The following PBX1 variants were observed in gnomAD, a reference collection of about 807,000 sequenced individuals.
PBX1 encodes pre-B-cell leukemia transcription factor 1.
PBX1 carries 6 observed loss-of-function variants against 53.4 expected under a neutral mutation model. The ratio of observed to expected loss-of-function variants is 0.11; its 90% CI spans 0.06 to 0.22. PBX1 has a LOEUF of 0.22. PBX1 is among the 10% of genes least tolerant of loss of function. The pLI, the probability that PBX1 is intolerant of heterozygous loss-of-function variation, is 1.00. For synonymous variants in PBX1, 204 were observed against 212.3 expected (o/e 0.96, Z 0.34); for missense variants, 251 against 551.4 (o/e 0.46, Z 5.46).
chr1:164,736,722 A>C (rs1206968060), intron 2 of PBX1, among the ~76,000 whole-genome samples: 1 of 152,170 alleles, frequency 6.6e-6, no homozygotes, highest in Non-Finnish European at 1.5e-5. Context: ...TGTAGGAAAG[A>C]AAGCCAGCAA....
chr1:164,753,869 G>A (rs1168911260), intron 2 of PBX1, among the ~76,000 whole-genome samples: 1 of 152,234 alleles, frequency 6.6e-6, no homozygotes, highest in East Asian at 1.9e-4. Context: ...TTGGAAACGG[G>A]AATGATGCAG....
At chr1:164,601,372 A>T (rs1206975455) in intron 2 of PBX1, among the ~76,000 whole-genome samples, 2 of 152,214 alleles carry the variant, frequency 1.3e-5, no homozygotes, top group East Asian at 3.9e-4. Context: ...TGAAACAGAA[A>T]GGAGGAAGGT....
chr1:164,623,621 A>G (rs1030442947), intron 2 of PBX1, among the ~76,000 whole-genome samples: 9 of 151,584 alleles, frequency 5.9e-5, no homozygotes, highest in African/African-American at 2.2e-4. Flanking sequence ...CGTGCCTTGC[A>G]TCTCCTCTCT....
At position 164,722,517 on chromosome 1, in the gene PBX1, TGAA is replaced by T. The variant is rs781158304; in HGVS notation, c.266-69972_266-69970del. Reference sequence around the variant, plus strand: ...AGAAAGTGCTGTGGTTTTATTTATTTGAAGAAGTATATTAATCCACAGAAGACT... The same window carrying T: ...AGAAAGTGCTGTGGTTTTATTTATTTGAAGTATATTAATCCACAGAAGACT... On this transcript the variant is annotated intron_variant, in intron 2 of 8. Coordinates refer to ENST00000420696, the MANE Select transcript of PBX1 (RefSeq NM_002585.4). Among the ~76,000 whole-genome samples the T allele has an allele frequency of 3.3e-5, 5 of 152,312 alleles. No homozygotes were observed. The South Asian group carries it at 1.0e-3, about 32-fold the overall frequency.
At chr1:164,718,981 G>C (rs1664262262) in intron 2 of PBX1, among the ~76,000 whole-genome samples, 1 of 151,984 alleles carries the variant, frequency 6.6e-6, no homozygotes, top group African/African-American at 2.4e-5. Context: ...AGTAAGGAGG[G>C]GCTCACCCTC....
At chr1:164,861,231 T>TA (rs1558050684) in intron 2 of PBX1, among the ~76,000 whole-genome samples, 1 of 152,004 alleles carries the variant, frequency 6.6e-6, no homozygotes, top group Non-Finnish European at 1.5e-5. Flanking sequence ...GGGGCACTGA[T>TA]AGAGAACGAG....
At chr1:164,679,478 G>C (rs115305598) in intron 2 of PBX1, among the ~76,000 whole-genome samples, 1 of 152,044 alleles carries the variant, frequency 6.6e-6, no homozygotes, top group Non-Finnish European at 1.5e-5. Context: ...ACAGGTGATG[G>C]GACACAGTGT....
rs924473550 is a variant in PBX1, at chr1:164,844,373, C to CCTGT, written c.1201-2204_1201-2201dup. On this transcript the variant is annotated intron_variant, in intron 8 of 8. Coordinates refer to ENST00000420696, the MANE Select transcript of PBX1 (RefSeq NM_002585.4). ...CTACAGATACACTCCTGCCTGCCTG[C>CCTGT]CTGTCTGTCTACCTACCTATCTATC... Among the ~76,000 whole-genome samples the CCTGT allele has an allele frequency of 3.7e-4, 56 of 151,950 alleles. 1 individual carries two copies. Among genetic ancestry groups the CCTGT allele is most frequent in the Non-Finnish European group, 1.2e-4 (8 of 67,994 alleles).
intron 2 of PBX1, among the ~76,000 whole-genome samples, chr1:164,713,438 T>C (rs1557960642): frequency 6.6e-6 from 1 of 152,202 alleles, no homozygotes; most frequent in Non-Finnish European, 1.5e-5. Flanking sequence ...TTGAAGATAT[T>C]GTTTGCATTA....
intron 2 of PBX1, among the ~76,000 whole-genome samples, chr1:164,569,660 C>G (rs944264414): frequency 2.3e-5 from 3 of 132,526 alleles, no homozygotes; most frequent in African/African-American, 8.4e-5. Flanking sequence ...AAACCTCTAT[C>G]CCTGGGTTCA....
intron 2 of PBX1, among the ~76,000 whole-genome samples, chr1:164,870,322 TTTCTTTC>T (rs1672343795): frequency 2.7e-5 from 3 of 109,798 alleles, no homozygotes. Context: ...TCTTTCTTTC[TTTCTTTC>T]TTTCTTTCTT....
chr1:164,862,020 A>T (rs554895508), intron 2 of PBX1, among the ~76,000 whole-genome samples: 1 of 152,146 alleles, frequency 6.6e-6, no homozygotes, highest in African/African-American at 2.4e-5. Context: ...TTTTGAGTGA[A>T]CCTGGAGGCC....
intron 8 of PBX1, among the ~76,000 whole-genome samples, chr1:164,832,859 G>GTCAT (rs1415789830): frequency 3.3e-5 from 5 of 151,928 alleles, no homozygotes; most frequent in African/African-American, 1.2e-4. Flanking sequence ...AAATAAGCTA[G>GTCAT]GATGAGTAGT....
At chr1:164,631,638 A>G (rs1479530392) in intron 2 of PBX1, among the ~76,000 whole-genome samples, 1 of 152,320 alleles carries the variant, frequency 6.6e-6, no homozygotes, top group African/African-American at 2.4e-5. Context: ...TGCCATTGCT[A>G]TTTACAATCT....
intron 2 of PBX1, among the ~76,000 whole-genome samples, chr1:164,719,321 G>T (rs1027369400): frequency 2.0e-5 from 3 of 152,248 alleles, no homozygotes; most frequent in Admixed American, 2.0e-4. Flanking sequence ...ATGGTCTGAT[G>T]TGTAGAGTCA....
chr1:164,825,963 T>G (rs1670438862), intron 8 of PBX1, among the ~76,000 whole-genome samples: 1 of 152,038 alleles, frequency 6.6e-6, no homozygotes, highest in South Asian at 2.1e-4. Context: ...CCCTACTAGA[T>G]GTGGTATTGG....
At chr1:164,825,773 T>C (rs1015617237) in intron 8 of PBX1, among the ~76,000 whole-genome samples, 1 of 152,164 alleles carries the variant, frequency 6.6e-6, no homozygotes, top group East Asian at 1.9e-4. Flanking sequence ...TTTCTTTCAC[T>C]CCTCCTATCC....
rs547663793 is a variant in PBX1 at position 164,648,838 on chromosome 1, C to T, written c.265+85527C>T. Among the ~76,000 whole-genome samples, 29 of 152,254 alleles carry T rather than the reference C, an allele frequency of 1.9e-4. No individual in the cohort carries two copies. The South Asian group carries it at 5.8e-3, about 30-fold the overall frequency. On this transcript the variant is annotated intron_variant, in intron 2 of 8. Coordinates refer to ENST00000420696, the MANE Select transcript of PBX1 (RefSeq NM_002585.4). ...AGTGTAATGTAATGAAAACATGCAC[C>T]AGAGCAGGGGCCTCTAGCCCCAGGG...
chr1:164,676,326 G>A (rs991732005), intron 2 of PBX1, among the ~76,000 whole-genome samples: 2 of 151,972 alleles, frequency 1.3e-5, no homozygotes, highest in Non-Finnish European at 2.9e-5. Flanking sequence ...GCATAGAGTA[G>A]GTCTGTCTAG....
Sources: allele counts gnomAD v4.1 joint callset (sites outside exome capture counted in the v4.1 genomes callset), GRCh38; gene constraint gnomAD v4.1.1; transcripts MANE v1.5; gene names NCBI Gene and HGNC (gene_info 2026-07-23, HGNC 2026-07-21).